Variants in OLFML2A observed in about 807,000 individuals in gnomAD.
OLFML2A encodes olfactomedin-like protein 2A.
Under a neutral mutation model 60.9 loss-of-function variants are expected in OLFML2A, and 47 were observed. The ratio of observed to expected loss-of-function variants is 0.77; its 90% CI spans 0.61 to 0.98. OLFML2A has a LOEUF of 0.98. Ranked by LOEUF, OLFML2A falls within the 50% of genes least tolerant of loss-of-function variation. The pLI is 0.00. For missense variants in OLFML2A, 922 were observed against 879.8 expected (o/e 1.05, Z -0.61); for synonymous variants, 372 against 375.0 (o/e 0.99, Z 0.09).
intron 4 of OLFML2A, chr9:124,800,899 C>T: frequency 6.5e-7 from 1 of 1,537,558 alleles, no homozygotes; most frequent in East Asian, 2.5e-5. Context: ...GGGTGACCAA[C>T]CCTGTCCCAG....
intron 1 of OLFML2A, among the ~76,000 whole-genome samples, chr9:124,784,720 C>G (rs1022186709): frequency 6.6e-6 from 1 of 152,060 alleles, no homozygotes; most frequent in Non-Finnish European, 1.5e-5. Flanking sequence ...AAAGGAAACC[C>G]CATACCAATT....
At chr9:124,786,243 C>T (rs1164219233) in intron 1 of OLFML2A, among the ~76,000 whole-genome samples, 1 of 152,002 alleles carries the variant, frequency 6.6e-6, no homozygotes, top group Non-Finnish European at 1.5e-5. Flanking sequence ...AGCAACATGG[C>T]AAAACCCCCT....
chr9:124,780,479 G>C (rs1039408397), intron 1 of OLFML2A, among the ~76,000 whole-genome samples: 18 of 152,200 alleles, frequency 1.2e-4, no homozygotes, highest in African/African-American at 4.1e-4. Context: ...GGTGGTGTCC[G>C]GGGCTGGATC....
intron 5 of OLFML2A, among the ~76,000 whole-genome samples, chr9:124,802,382 T>C (rs1022906709): frequency 2.6e-5 from 4 of 152,218 alleles, no homozygotes; most frequent in Non-Finnish European, 5.9e-5. Flanking sequence ...TAGGTCCTGC[T>C]GACCACCTCC....
chr9:124,801,429 A>G lies in OLFML2A; in HGVS notation c.685A>G (p.Lys229Glu), dbSNP rs1046584784. ...TCCCTCCCAGGACACAGCTAGAGGA[A>G]AAGGCAAGGACATCAGCAAGTATGG... Reference protein sequence around the residue: ...GSKAQDTARGKGKDISKYGSV... With the variant: ...GSKAQDTARGEGKDISKYGSV... The change falls in exon 5 of 8, where the codon AAA becomes GAA. Residue 229 changes from lysine (K) to glutamate (E), a missense_variant. Physicochemically the swap from Lys to Glu is moderately conservative, Grantham distance 56 (BLOSUM62 1). Transcript: ENST00000373580. 8.1e-6 allele frequency: 13 copies of G among 1,614,022 alleles called. No individual in the cohort carries two copies. The highest frequency in any genetic ancestry group is 1.0e-5 in the Non-Finnish European group (12 of 1,180,016).
rs1220614116 is a variant in OLFML2A at position 124,811,266 on chromosome 9, C to T, written c.*854C>T. 6.6e-6 allele frequency: 1 copy of T among 152,662 alleles called. No homozygotes were observed. The highest frequency in any genetic ancestry group is 1.5e-5 in the Non-Finnish European group (1 of 68,044). 9.5% of individuals were successfully genotyped at this position (152,662 alleles called of 1,614,324 possible). A position where few individuals can be genotyped will look rare whatever the true frequency, so the allele number is the denominator to read the frequency against. On this transcript the variant is annotated 3_prime_UTR_variant, in exon 8 of 8. Coordinates refer to ENST00000373580, the MANE Select transcript of OLFML2A (RefSeq NM_182487.4). Reference sequence around the variant, plus strand: ...CAGGGTGGGGAGCTGAGCTGAGGCTCCCTCTCCACCCAGAAGCACTGGCGT... The same window carrying T: ...CAGGGTGGGGAGCTGAGCTGAGGCTTCCTCTCCACCCAGAAGCACTGGCGT...
At position 124,777,471 on chromosome 9, in the gene OLFML2A, G is replaced by T; in HGVS notation, c.90+111G>T. The T allele has an allele frequency of 1.8e-6, 2 of 1,107,756 alleles. No individual in the cohort carries two copies. The highest frequency in any genetic ancestry group is 1.1e-6 in the Non-Finnish European group (1 of 882,430). The allele number at this position is 1,107,756 out of a possible 1,614,324, so 68.6% of individuals were successfully genotyped here. A position where few individuals can be genotyped will look rare whatever the true frequency, so the allele number is the denominator to read the frequency against. On this transcript the variant is annotated intron_variant, in intron 1 of 7. Transcript: ENST00000373580. This position sits in a 1 kb window ranked among gnomAD's most constrained non-coding sequence, Gnocchi z 6.2. ...CCCGGGGCCAGGGCGGAGGAGCCGG[G>T]AGCTGAGAGACCGAACCTGGGACTT...
At position 124,810,627 on chromosome 9, in the gene OLFML2A, T is replaced by A. The variant is rs542356581; in HGVS notation, c.*215T>A. On this transcript the variant is annotated 3_prime_UTR_variant, in exon 8 of 8. Coordinates refer to ENST00000373580, the MANE Select transcript of OLFML2A (RefSeq NM_182487.4). ...CCGTGCCAAGCACTTCCCACACACTTACCCGTTTGATTCTCCTAGCACCTC... is the reference window on the plus strand; with the variant it reads ...CCGTGCCAAGCACTTCCCACACACTAACCCGTTTGATTCTCCTAGCACCTC... The A allele has an allele frequency of 1.7e-6, 1 of 584,878 alleles. No homozygotes were observed. The highest frequency in any genetic ancestry group is 3.0e-6 in the Non-Finnish European group (1 of 329,026). The allele number at this position is 584,878 out of a possible 1,614,324, so 36.2% of individuals were successfully genotyped here. A position where few individuals can be genotyped will look rare whatever the true frequency, so the allele number is the denominator to read the frequency against.
rs562272925 is a variant in OLFML2A at position 124,810,206 on chromosome 9, C to T, written c.1753C>T (p.Leu585=). Residue 585 remains leucine (L), a synonymous_variant, in exon 8 of 8, where the codon CTG becomes TTG. Coordinates refer to ENST00000373580, the MANE Select transcript of OLFML2A (RefSeq NM_182487.4). Reference sequence around the variant, plus strand: ...GAACTGCTTCCTGGTGTGCGGCATCCTGTATGCCGTGGACACGTACAACCA... The same window carrying T: ...GAACTGCTTCCTGGTGTGCGGCATCTTGTATGCCGTGGACACGTACAACCA... ...YGNCFLVCGI[L]YAVDTYNQQE... is the part of the protein sequence containing the mutation. 1.9e-6 allele frequency: 3 copies of T among 1,613,828 alleles called. No homozygotes were observed. In the South Asian group the frequency reaches 3.3e-5, roughly 18 times the overall value.
intron 1 of OLFML2A, among the ~76,000 whole-genome samples, chr9:124,783,499 C>T (rs1841400487): frequency 6.6e-6 from 1 of 152,130 alleles, no homozygotes; most frequent in Non-Finnish European, 1.5e-5. Context: ...GAATACTTCA[C>T]ACTTAAGATG....
rs1352605640 is a variant in OLFML2A, at chr9:124,777,583, C to T, written c.90+223C>T. Among the ~76,000 whole-genome samples, 1 of 152,102 alleles carries T rather than the reference C, an allele frequency of 6.6e-6. No homozygotes were observed. Among genetic ancestry groups the T allele is most frequent in the African/African-American group, 2.4e-5 (1 of 41,436 alleles). ...TGGAGATGTAGGGATGCTAGGGACCCGGGGCCTGAGGAAGGGGCGCTGGGA... is the reference window on the plus strand; with the variant it reads ...TGGAGATGTAGGGATGCTAGGGACCTGGGGCCTGAGGAAGGGGCGCTGGGA... On this transcript the variant is annotated intron_variant, in intron 1 of 7. Coordinates refer to ENST00000373580, the MANE Select transcript of OLFML2A (RefSeq NM_182487.4). The surrounding 1 kb of genome is among the most constrained non-coding windows in gnomAD (Gnocchi z 6.2).
chr9:124,790,161 G>A (rs1347165544), intron 2 of OLFML2A, among the ~76,000 whole-genome samples: 1 of 152,054 alleles, frequency 6.6e-6, no homozygotes, highest in African/African-American at 2.4e-5. Flanking sequence ...GCAAGAAAGT[G>A]GCAGTATTAA....
intron 1 of OLFML2A, among the ~76,000 whole-genome samples, chr9:124,784,783 T>C (rs898990390): frequency 1.3e-5 from 2 of 152,200 alleles, no homozygotes; most frequent in African/African-American, 4.8e-5. Context: ...GCCACTAATC[T>C]GTTTGCTGTC....
rs779743230 is a variant in OLFML2A at position 124,801,440 on chromosome 9, C to T, written c.696C>T (p.Asp232=). The change falls in exon 5 of 8, where the codon GAC becomes GAT. Residue 232 remains aspartate, a synonymous_variant. Transcript: ENST00000373580. ...AQDTARGKGK[D]ISKYGSVQKS... ...ACACAGCTAGAGGAAAAGGCAAGGACATCAGCAAGTATGGCAGTGTGCAGA... is the reference window on the plus strand; with the variant it reads ...ACACAGCTAGAGGAAAAGGCAAGGATATCAGCAAGTATGGCAGTGTGCAGA... The T allele has an allele frequency of 6.2e-7, 1 of 1,614,080 alleles. No individual in the cohort carries two copies. Among genetic ancestry groups the T allele is most frequent in the South Asian group, 1.1e-5 (1 of 91,088 alleles).
rs975701636 is a variant in OLFML2A, at chr9:124,804,344, T to G, written c.1168+2T>G. On this transcript the variant is annotated splice_donor_variant, in intron 6 of 7. Coordinates refer to ENST00000373580, the MANE Select transcript of OLFML2A (RefSeq NM_182487.4). LOFTEE classifies it high-confidence loss of function. Reference sequence around the variant, plus strand: ...CAGGTCCAGAAGTCTCCAGCCAAGGTGAGTGAGCCTCACAGGAGTCAGCAC... The same window carrying G: ...CAGGTCCAGAAGTCTCCAGCCAAGGGGAGTGAGCCTCACAGGAGTCAGCAC... 3.3e-6 allele frequency: 5 copies of G among 1,517,260 alleles called. No homozygotes were observed. The highest frequency in any genetic ancestry group is 4.4e-6 in the Non-Finnish European group (5 of 1,133,000). The allele number at this position is 1,517,260 out of a possible 1,614,324, so 94.0% of individuals were successfully genotyped here.
intron 2 of OLFML2A, among the ~76,000 whole-genome samples, chr9:124,790,415 T>G (rs905868933): frequency 6.6e-6 from 1 of 152,106 alleles, no homozygotes; most frequent in Non-Finnish European, 1.5e-5. Context: ...CCTCAAGTGA[T>G]CCACGTCCCT....
At chr9:124,800,452 T>G (rs1420523394) in intron 4 of OLFML2A, among the ~76,000 whole-genome samples, 1 of 152,224 alleles carries the variant, frequency 6.6e-6, no homozygotes, top group African/African-American at 2.4e-5. Flanking sequence ...AGATGAGGCA[T>G]GGAGAGAGGT....
intron 5 of OLFML2A, among the ~76,000 whole-genome samples, 171 bp downstream of exon 5, chr9:124,801,834 T>C (rs1455324423): frequency 2.0e-5 from 3 of 152,190 alleles, no homozygotes; most frequent in South Asian, 4.1e-4. Context: ...CAGGGGGTCA[T>C]TGGGATGAGA....
At position 124,796,139 on chromosome 9, in the gene OLFML2A, C is replaced by T. The variant is rs117690595; in HGVS notation, c.462+1008C>T. Reference sequence around the variant, plus strand: ...GCTTCCTTTACAGAGGGAGGGGGCACCTGGGCATCCTGTGCCCCAGAGTAG... The same window carrying T: ...GCTTCCTTTACAGAGGGAGGGGGCATCTGGGCATCCTGTGCCCCAGAGTAG... On this transcript the variant is annotated intron_variant, in intron 3 of 7. Coordinates refer to ENST00000373580, the MANE Select transcript of OLFML2A (RefSeq NM_182487.4). Among the ~76,000 whole-genome samples, 1,361 of 152,336 alleles carry T rather than the reference C, an allele frequency of 8.9e-3. 24 individuals carry two copies. The highest frequency in any genetic ancestry group is 0.087 in the East Asian group (453 of 5,186).
Sources: allele counts gnomAD v4.1 joint callset (sites outside exome capture counted in the v4.1 genomes callset), GRCh38; gene constraint gnomAD v4.1.1; non-coding constraint Gnocchi (gnomAD v3.1); transcripts MANE v1.5; gene names NCBI Gene and HGNC (gene_info 2026-07-23, HGNC 2026-07-21).